The following CPNE4 variants were observed in gnomAD, a reference collection of about 807,000 sequenced individuals.
CPNE4 encodes copine 4, also known as copine-4.
Under a neutral mutation model 67.9 loss-of-function variants are expected in CPNE4, and 25 were observed. The ratio of observed to expected loss-of-function variants is 0.37; its 90% confidence interval spans 0.27 to 0.51. The LOEUF (loss-of-function observed/expected upper bound fraction) is 0.51. CPNE4 is among the 20% of genes least tolerant of loss of function. CPNE4 has a pLI of 0.93. For missense variants in CPNE4, 464 were observed against 690.8 expected (o/e 0.67, Z 3.68); for synonymous variants, 242 against 244.9 (o/e 0.99, Z 0.11).
At chr3:131,594,185 T>G (rs910737819) in intron 7 of CPNE4, among the ~76,000 whole-genome samples, 1 of 152,212 alleles carries the variant, frequency 6.6e-6, no homozygotes, top group African/African-American at 2.4e-5. Flanking sequence ...CTATACCTAG[T>G]TTGTTGAGTG....
At chr3:131,917,450 A>C (rs1209673815) in intron 1 of CPNE4, among the ~76,000 whole-genome samples, 1 of 152,152 alleles carries the variant, frequency 6.6e-6, no homozygotes, top group Non-Finnish European at 1.5e-5. Context: ...CAGCTATCAC[A>C]GACATTTGAG....
intron 2 of CPNE4, among the ~76,000 whole-genome samples, chr3:131,881,087 T>C (rs1172296710): frequency 6.6e-6 from 1 of 152,070 alleles, no homozygotes; most frequent in Non-Finnish European, 1.5e-5. Context: ...AACATCAACA[T>C]AAGGCAAGGA....
chr3:131,936,594 A>G (rs1206593205), intron 1 of CPNE4, among the ~76,000 whole-genome samples: 2 of 152,276 alleles, frequency 1.3e-5, no homozygotes, highest in East Asian at 3.9e-4. Context: ...GAGCAATAAA[A>G]AGTGAACTGG....
chr3:131,764,994 G>A (rs185432206), intron 2 of CPNE4, among the ~76,000 whole-genome samples: 13 of 152,232 alleles, frequency 8.5e-5, no homozygotes, highest in African/African-American at 4.8e-5. Context: ...ATTTTAGGAG[G>A]CAGCAACTCC....
chr3:131,939,897 G>C (rs1282557574), intron 1 of CPNE4, among the ~76,000 whole-genome samples: 2 of 152,096 alleles, frequency 1.3e-5, no homozygotes, highest in East Asian at 3.9e-4. Context: ...GTTCAGGTAG[G>C]TATTAATAGT....
intron 3 of CPNE4, among the ~76,000 whole-genome samples, chr3:131,709,298 C>T (rs773212995): frequency 3.9e-5 from 6 of 152,056 alleles, no homozygotes; most frequent in East Asian, 1.9e-4. Flanking sequence ...CTTAAACTGA[C>T]GTCATGTGGG....
intron 1 of CPNE4, among the ~76,000 whole-genome samples, chr3:132,000,847 TAAA>T (rs147138241): frequency 2.2e-5 from 3 of 138,474 alleles, no homozygotes; most frequent in Non-Finnish European, 4.7e-5. Flanking sequence ...CCATGTTTCT[TAAA>T]AAAAAAAAAA....
chr3:132,035,775 T>C (rs115139718), upstream of CPNE4, among the ~76,000 whole-genome samples: 2,319 of 152,280 alleles, frequency 0.015, 70 homozygotes, highest in African/African-American at 0.052. Context: ...TCTCTGCACA[T>C]TGGTATTGTC....
chr3:132,025,333 T>C (rs1047005669), intron 1 of CPNE4, among the ~76,000 whole-genome samples: 2 of 152,192 alleles, frequency 1.3e-5, no homozygotes, highest in Non-Finnish European at 2.9e-5. Flanking sequence ...CTGGGGCCAG[T>C]ACTAAACGTA....
intron 1 of CPNE4, chr3:132,017,739 G>A (rs574959930): frequency 6.6e-6 from 1 of 152,344 alleles, no homozygotes; most frequent in Admixed American, 6.5e-5. Context: ...AGCCTGGGAT[G>A]TCACTGGCTC....
At chr3:131,738,460 T>C (rs1484711647) in intron 2 of CPNE4, among the ~76,000 whole-genome samples, 3 of 47,294 alleles carry the variant, frequency 6.3e-5, no homozygotes, top group African/African-American at 2.8e-4. Context: ...AGACCTTTCA[T>C]ATAATCAGAA....
At chr3:132,008,020 C>G (rs2073652835) in intron 1 of CPNE4, among the ~76,000 whole-genome samples, 1 of 152,126 alleles carries the variant, frequency 6.6e-6, no homozygotes, top group African/African-American at 2.4e-5. Flanking sequence ...GGGGTTTTGT[C>G]TCTGTTTTCA....
chr3:132,036,376 C>CTTTTTTTTA (rs2074338928), upstream of CPNE4, among the ~76,000 whole-genome samples: 1 of 151,624 alleles, frequency 6.6e-6, no homozygotes, highest in Non-Finnish European at 1.5e-5. Context: ...TCTTCTATAG[C>CTTTTTTTTA]ACTCCTGGAG....
chr3:132,028,537 A>C (rs1191428494), intron 1 of CPNE4, among the ~76,000 whole-genome samples: 2 of 152,210 alleles, frequency 1.3e-5, no homozygotes, highest in African/African-American at 4.8e-5. Context: ...GGAAGGGATA[A>C]GAGATGGGAG....
intron 2 of CPNE4, among the ~76,000 whole-genome samples, chr3:131,794,224 T>C (rs1201377240): frequency 6.6e-6 from 1 of 151,310 alleles, no homozygotes; most frequent in Non-Finnish European, 1.5e-5. Flanking sequence ...GAAAATCCAG[T>C]TCAATTTTGG....
intron 1 of CPNE4, among the ~76,000 whole-genome samples, chr3:131,970,314 C>G (rs2072468087): frequency 6.6e-6 from 1 of 152,168 alleles, no homozygotes; most frequent in Non-Finnish European, 1.5e-5. Flanking sequence ...AAGACATGAG[C>G]TTTTCTTGTA....
intron 2 of CPNE4, among the ~76,000 whole-genome samples, chr3:131,759,583 A>G (rs1357973652): frequency 6.7e-6 from 1 of 150,174 alleles, no homozygotes; most frequent in Non-Finnish European, 1.5e-5. Context: ...AAGTTGGATC[A>G]GATCCCAACG....
intron 2 of CPNE4, among the ~76,000 whole-genome samples, chr3:131,765,407 G>T (rs910521463): frequency 9.9e-5 from 15 of 152,094 alleles, no homozygotes; most frequent in African/African-American, 3.4e-4. Flanking sequence ...GACTAATGGC[G>T]TTGCTTATCA....
At chr3:131,556,089 T>C (rs1487945468) in intron 11 of CPNE4, among the ~76,000 whole-genome samples, 1 of 151,936 alleles carries the variant, frequency 6.6e-6, no homozygotes, top group Non-Finnish European at 1.5e-5. Flanking sequence ...TAAAAAGCAA[T>C]GGGGCCAGGT....
Sources: gnomAD v4.1 joint callset for allele counts (sites outside exome capture counted in the v4.1 genomes callset) on GRCh38, gnomAD v4.1.1 for gene constraint, MANE v1.5 for transcripts, NCBI Gene and HGNC (gene_info 2026-07-23, HGNC 2026-07-21) for gene names.